CATSPERG: variants seen among roughly 807,000 people sequenced by gnomAD.
CATSPERG encodes catsper channel auxiliary subunit gamma.
A neutral mutation model predicts 145.0 loss-of-function variants in CATSPERG; 115 were observed. The ratio of observed to expected loss-of-function variants is 0.79; its 90% confidence interval spans 0.68 to 0.93. The LOEUF (loss-of-function observed/expected upper bound fraction) is 0.93. Ranked by LOEUF, CATSPERG falls within the 40% of genes least tolerant of loss-of-function variation. The probability of loss-of-function intolerance (pLI) is 0.00; values close to 1 mark genes in which losing one functional copy is unlikely to be tolerated. For synonymous variants in CATSPERG, 588 were observed against 589.0 expected, an observed-to-expected ratio of 1.00 and a Z score of 0.02; for missense variants, 1,296 against 1,490.1, an observed-to-expected ratio of 0.87 and a Z score of 2.14.
chr19:38,364,302 G>C (rs1970408956), intron 20 of CATSPERG, among the ~76,000 whole-genome samples: 2 of 152,148 alleles, frequency 1.3e-5, no homozygotes, highest in South Asian at 2.1e-4. Context: ...GCTGGGCAGA[G>C]ACGCTCCTCA....
At chr19:38,336,341 C>A (rs969744101) in intron 1 of CATSPERG, 9 of 342,032 alleles carry the variant, frequency 2.6e-5, no homozygotes, top group Non-Finnish European at 4.9e-5. Flanking sequence ...GGAGGAGGGG[C>A]GTTACCAGAG....
At position 38,346,525 on chromosome 19, in the gene CATSPERG, G is replaced by A; in HGVS notation, c.745G>A (p.Val249Met). The A allele has an allele frequency of 3.9e-6, 6 of 1,551,680 alleles. No individual in the cohort carries two copies. The highest frequency in any genetic ancestry group is 5.2e-6 in the Non-Finnish European group (6 of 1,146,948). Residue 249 changes from valine (V) to methionine (M), a missense_variant, in exon 7 of 29, where the codon GTG (valine) becomes ATG (methionine). Coordinates refer to ENST00000409235, the MANE Select transcript of CATSPERG (RefSeq NM_021185.5). ...PLWHTVDQSP[V>M]LILGGIPNEK... ...GTGGCACACTGTGGACCAGTCACCT[G>A]TGCTTATCCTGGGAGGCATTCCCAA...
chr19:38,344,524 G>T (rs1307964939), intron 6 of CATSPERG, 156 bp downstream of exon 6: 2 of 686,182 alleles, frequency 2.9e-6, no homozygotes, highest in East Asian at 2.8e-5. Context: ...GACCTGTCGA[G>T]GGGACGTACT....
intron 13 of CATSPERG, among the ~76,000 whole-genome samples, chr19:38,358,845 TTTTTTG>T (rs984742858): frequency 5.9e-5 from 9 of 151,790 alleles, no homozygotes; most frequent in African/African-American, 1.5e-4. Flanking sequence ...TCTAGGGTTT[TTTTTTG>T]TTTTTGTTTT....
chr19:38,360,719 T>C lies in CATSPERG; in HGVS notation c.1768-12T>C, dbSNP rs1386700255. The C allele has an allele frequency of 1.2e-6, 2 of 1,613,990 alleles. No homozygotes were observed. The highest frequency in any genetic ancestry group is 1.7e-6 in the Non-Finnish European group (2 of 1,179,948). ...TGACCCCAGCTCACCTGGCCCTGCC[T>C]TCCCCCTGCAGCTGGTGTACCTTAT... On this transcript the variant is annotated splice_polypyrimidine_tract_variant and intron_variant, in intron 15 of 28. Transcript: ENST00000409235.
rs1160112066 is a variant in CATSPERG at position 38,365,166 on chromosome 19, G to T, written c.2613+49G>T. The T allele has an allele frequency of 3.3e-6, 5 of 1,505,460 alleles. No homozygotes were observed. In the Admixed American group the frequency reaches 5.0e-5, roughly 15 times the overall value. 93.3% of individuals were successfully genotyped at this position (1,505,460 alleles called of 1,614,324 possible). A position where few individuals can be genotyped will look rare whatever the true frequency, so the allele number is the denominator to read the frequency against. ...CCCTGGGAGGGGAAGGTTGGGGTCG[G>T]GTCTCAACAGGGCTAATCCCCCTGA... On this transcript the variant is annotated intron_variant, in intron 22 of 28. Coordinates refer to ENST00000409235, the MANE Select transcript of CATSPERG (RefSeq NM_021185.5).
chr19:38,362,260 C>T lies in CATSPERG; in HGVS notation c.2145C>T (p.Asn715=). 1 of 1,613,154 alleles carries T rather than the reference C, an allele frequency of 6.2e-7. No individual in the cohort carries two copies. The highest frequency in any genetic ancestry group is 8.5e-7 in the Non-Finnish European group (1 of 1,179,580). ...CCACCTGGCGCTGGTGGGCGAACAA[C>T]AAACAAGACCAGGTAGGCGGAGCGG... ...HDPTWRWWAN[N]KQDQDYYFFL... is the part of the protein sequence containing the mutation. Residue 715 remains asparagine, a synonymous_variant, in exon 18 of 29, where the codon AAC becomes AAT. Transcript: ENST00000409235.
At position 38,361,805 on chromosome 19, in the gene CATSPERG, G is replaced by C; in HGVS notation, c.2038G>C (p.Ala680Pro). ...RSGFHNENSL[A>P]IYQGLVYYLL... ...GGGCTTCCACAACGAGAACTCGCTC[G>C]CCATCTACCAGGGCCTGGTCTACTA... Residue 680 changes from alanine (A) to proline (P), a missense_variant, in exon 17 of 29, where the codon GCC becomes CCC. Transcript: ENST00000409235. 6.2e-7 allele frequency: 1 copy of C among 1,613,014 alleles called. No individual in the cohort carries two copies. Among genetic ancestry groups the C allele is most frequent in the Non-Finnish European group, 8.5e-7 (1 of 1,179,584 alleles).
chr19:38,336,132 G>A, intron 1 of CATSPERG: 1 of 455,294 alleles, frequency 2.2e-6, no homozygotes, highest in Non-Finnish European at 4.4e-6. Context: ...GAGCAGGCAG[G>A]TGTTAATGGC....
Position 38,367,935 on chromosome 19 carries a change from T to C in CATSPERG, c.2931-113T>C, listed in dbSNP as rs1363578218. Reference sequence around the variant, plus strand: ...TCACAGGCAAACTCCTGCCCGCCCCTAACACCATGTCCCCTGCACCCACCT... The same window carrying C: ...TCACAGGCAAACTCCTGCCCGCCCCCAACACCATGTCCCCTGCACCCACCT... On this transcript the variant is annotated intron_variant, in intron 25 of 28. Coordinates refer to ENST00000409235, the MANE Select transcript of CATSPERG (RefSeq NM_021185.5). 3.4e-6 allele frequency: 4 copies of C among 1,167,730 alleles called. No homozygotes were observed. The South Asian group carries it at 5.0e-5, about 15-fold the overall frequency. 72.3% of individuals were successfully genotyped at this position (1,167,730 alleles called of 1,614,324 possible).
chr19:38,367,127 C>A, intron 22 of CATSPERG, 29 bp from the exon 23 acceptor site: 1 of 1,598,330 alleles, frequency 6.3e-7, no homozygotes. Context: ...CCCTGGCCAC[C>A]CCTGTGAGCC....
chr19:38,352,484 C>A, intron 8 of CATSPERG, 52 bp downstream of exon 8: 1 of 1,525,492 alleles, frequency 6.6e-7, no homozygotes. Flanking sequence ...CTGGTGAACC[C>A]CTCCACTGAA....
chr19:38,369,215 A>G (rs1600489324), intron 26 of CATSPERG, among the ~76,000 whole-genome samples: 1 of 152,204 alleles, frequency 6.6e-6, no homozygotes, highest in Non-Finnish European at 1.5e-5. Flanking sequence ...GCAGTGAATG[A>G]ACGAACAACT....
chr19:38,353,946 G>A (rs1485923876), intron 8 of CATSPERG, among the ~76,000 whole-genome samples: 3 of 139,112 alleles, frequency 2.2e-5, no homozygotes, highest in African/African-American at 8.1e-5. Flanking sequence ...AGCCAAGATC[G>A]TGCCACTGCA....
At chr19:38,344,470 C>A in intron 6 of CATSPERG, 102 bp downstream of exon 6, 2 of 986,646 alleles carry the variant, frequency 2.0e-6, no homozygotes, top group South Asian at 1.4e-5. Context: ...GGAGCACCAA[C>A]TTCATGCCAG....
intron 7 of CATSPERG, among the ~76,000 whole-genome samples, chr19:38,347,618 G>C (rs979971263): frequency 2.0e-5 from 3 of 152,174 alleles, no homozygotes; most frequent in Non-Finnish European, 4.4e-5. Flanking sequence ...CGCCAAGGCA[G>C]GTTGGTTTAC....
At chr19:38,355,433 A>G (rs1970226710) in intron 9 of CATSPERG, among the ~76,000 whole-genome samples, 1 of 151,898 alleles carries the variant, frequency 6.6e-6, no homozygotes, top group Admixed American at 6.6e-5. Context: ...ACAGTGGCTC[A>G]TGCCTGTAAT....
intron 8 of CATSPERG, among the ~76,000 whole-genome samples, chr19:38,353,735 G>A (rs1442816388): frequency 6.7e-6 from 1 of 148,656 alleles, no homozygotes; most frequent in African/African-American, 2.5e-5. Flanking sequence ...AGGCGCGGTG[G>A]CTCACGCCTG....
In CATSPERG at chr19:38,367,835, CT is replaced by C. The variant is rs1291060231; in HGVS notation, c.2930+61del. 4 of 1,511,414 alleles carry C rather than the reference CT, an allele frequency of 2.6e-6. No individual in the cohort carries two copies. The East Asian group carries it at 9.0e-5, about 34-fold the overall frequency. The allele number at this position is 1,511,414 out of a possible 1,614,324, so 93.6% of individuals were successfully genotyped here. ...TTGCTTCCCCTGGAGGCCTTTCCCA[CT>C]TCCAAGCCAAGCCCACCTCGCAAGC... On this transcript the variant is annotated intron_variant, in intron 25 of 28. Coordinates refer to ENST00000409235, the MANE Select transcript of CATSPERG (RefSeq NM_021185.5).
Sources: gnomAD v4.1 joint callset for allele counts (sites outside exome capture counted in the v4.1 genomes callset) on GRCh38, gnomAD v4.1.1 for gene constraint, MANE v1.5 for transcripts, NCBI Gene and HGNC (gene_info 2026-07-23, HGNC 2026-07-21) for gene names.